The following C4orf51 variants were observed in gnomAD, a reference collection of about 807,000 sequenced individuals.
C4orf51 encodes the protein chromosome 4 open reading frame 51.
Under a neutral mutation model 25.2 loss-of-function variants are expected in C4orf51, and 25 were observed. The observed-to-expected ratio is 0.99, with a 90% CI of 0.72 to 1.39. The LOEUF (loss-of-function observed/expected upper bound fraction) is 1.39. Among genes scored for constraint, C4orf51 ranks in the 40% most tolerant of loss-of-function variants. The pLI, the probability that C4orf51 is intolerant of heterozygous loss-of-function variation, is 0.00. For synonymous variants in C4orf51, 100 were observed against 84.5 expected (o/e 1.18, Z -1.01); for missense variants, 252 against 239.6 (o/e 1.05, Z -0.34).
the C4orf51 span, among the ~76,000 whole-genome samples, chr4:145,791,742 C>T: frequency 2.0e-5 from 3 of 152,254 alleles, no homozygotes; most frequent in Admixed American, 6.5e-5. Flanking sequence ...CTCTGGGCAC[C>T]GTGCTAAGGC....
chr4:145,765,001 T>C lies in C4orf51; in HGVS notation n.167-5987T>C, dbSNP rs778672421. On this transcript the variant is annotated intron_variant and non_coding_transcript_variant, in intron 1 of 1. Transcript: ENST00000510096. The surrounding 1 kb of genome is among the most constrained non-coding windows in gnomAD (Gnocchi z 4.7). ...TGCTTTCCTTACTTGAGCCCACCGG[T>C]GGGGACAGTGTGGCATTTCTTATGC... 3 of 1,613,466 alleles carry C rather than the reference T, an allele frequency of 1.9e-6. No individual in the cohort carries two copies. The highest frequency in any genetic ancestry group is 8.5e-7 in the Non-Finnish European group (1 of 1,179,688).
At chr4:145,784,101 A>T in the C4orf51 span, among the ~76,000 whole-genome samples, 1 of 152,128 alleles carries the variant, frequency 6.6e-6, no homozygotes, top group Non-Finnish European at 1.5e-5. Context: ...ACTATGATGG[A>T]AAGTTTCCTG....
At chr4:145,755,100 A>G, downstream of C4orf51, among the ~76,000 whole-genome samples, 1 of 152,332 alleles carries the variant, frequency 6.6e-6, no homozygotes, top group East Asian at 1.9e-4. Flanking sequence ...CCTTGCAACC[A>G]TCTCTTTCAA....
chr4:145,724,431 A>T (rs1296797341), intron 2 of C4orf51, among the ~76,000 whole-genome samples: 2 of 152,216 alleles, frequency 1.3e-5, no homozygotes, highest in African/African-American at 2.4e-5. Context: ...AGCATAAAAT[A>T]GCACACAAAG....
chr4:145,689,931 G>A (rs979073821), intron 1 of C4orf51, among the ~76,000 whole-genome samples: 13 of 152,162 alleles, frequency 8.5e-5, no homozygotes, highest in Non-Finnish European at 1.5e-4. Flanking sequence ...GAGGCTGGGC[G>A]CGGTGGCTCA....
chr4:145,732,522 G>C lies in C4orf51; in HGVS notation c.571G>C (p.Asp191His). The change falls in exon 6 of 6, where the codon GAT (aspartate) becomes CAT (histidine). Residue 191 changes from aspartate to histidine, a missense_variant. Physicochemically the swap from Asp to His is moderately conservative, Grantham distance 81 (BLOSUM62 -1). Coordinates refer to ENST00000438731, the MANE Select transcript of C4orf51 (RefSeq NM_001080531.3). ...SEDSEADRYS[D>H]YGWGGPSSPF... ...GGATTCAGAAGCTGATCGATACTCC[G>C]ATTATGGCTGGGGAGGACCCTCATC... 1 of 1,611,032 alleles carries C rather than the reference G, an allele frequency of 6.2e-7. No homozygotes were observed. The highest frequency in any genetic ancestry group is 8.5e-7 in the Non-Finnish European group (1 of 1,178,916).
chr4:145,723,958 TGA>T (rs1731897934), intron 2 of C4orf51, among the ~76,000 whole-genome samples: 1 of 152,144 alleles, frequency 6.6e-6, no homozygotes, highest in Non-Finnish European at 1.5e-5. Flanking sequence ...CTAAAGAAAA[TGA>T]GAGACATTTC....
At chr4:145,773,345 C>T (rs940951707), downstream of C4orf51, among the ~76,000 whole-genome samples, 1 of 152,150 alleles carries the variant, frequency 6.6e-6, no homozygotes, top group South Asian at 2.1e-4. Flanking sequence ...AATTTACTGA[C>T]AAAAACAAGC....
chr4:145,718,322 T>C (rs1213502063), intron 2 of C4orf51, among the ~76,000 whole-genome samples: 2 of 152,244 alleles, frequency 1.3e-5, no homozygotes, highest in Admixed American at 6.5e-5. Flanking sequence ...ATCAGCTACC[T>C]GGAAATGCTT....
chr4:145,765,301 C>A lies in C4orf51; in HGVS notation n.167-5687C>A, dbSNP rs1422744984. The A allele has an allele frequency of 1.7e-5, 18 of 1,060,154 alleles. No individual in the cohort carries two copies. The highest frequency in any genetic ancestry group is 2.3e-5 in the Non-Finnish European group (17 of 754,030). The allele number at this position is 1,060,154 out of a possible 1,614,324, so 65.7% of individuals were successfully genotyped here. ...CTATACCCTTCCAGGCACTGTTCCC[C>A]ATATCTCTGTGCTAAAAGGAGTTAA... On this transcript the variant is annotated intron_variant and non_coding_transcript_variant, in intron 1 of 1. Coordinates refer to the C4orf51 transcript ENST00000510096. The surrounding 1 kb of genome is among the most constrained non-coding windows in gnomAD (Gnocchi z 4.7).
rs189862393 is a variant in C4orf51, at chr4:145,699,759, C to T, written c.307+3127C>T. ...CGCTTTTCTGGGGAAGGGGCAAGTA[C>T]GCCAACACCTTCTCTCCTTGTCTCT... is the stretch of plus-strand genomic sequence containing the variant. On this transcript the variant is annotated intron_variant, in intron 2 of 5. Transcript: ENST00000438731. Among the ~76,000 whole-genome samples the T allele has an allele frequency of 3.5e-3, 534 of 152,246 alleles. 3 individuals carry two copies. Among genetic ancestry groups the T allele is most frequent in the Non-Finnish European group, 6.1e-3 (417 of 68,024 alleles).
intron 1 of C4orf51, among the ~76,000 whole-genome samples, chr4:145,741,383 C>G (rs185231174): frequency 2.6e-5 from 4 of 151,986 alleles, no homozygotes; most frequent in African/African-American, 7.2e-5. Context: ...ATTTAGGAGA[C>G]GAGGTACTAA....
At chr4:145,774,052 C>A (rs1382451918), downstream of C4orf51, among the ~76,000 whole-genome samples, 1 of 152,144 alleles carries the variant, frequency 6.6e-6, no homozygotes, top group African/African-American at 2.4e-5. Context: ...ACCACAGCAA[C>A]CCCTAGTTGC....
chr4:145,692,102 G>C (rs1729613897), intron 1 of C4orf51, among the ~76,000 whole-genome samples: 1 of 152,140 alleles, frequency 6.6e-6, no homozygotes, highest in African/African-American at 2.4e-5. Flanking sequence ...CATGTACGTG[G>C]AGAGACACGT....
chr4:145,706,773 T>C (rs935590824), intron 2 of C4orf51, among the ~76,000 whole-genome samples: 11 of 151,344 alleles, frequency 7.3e-5, no homozygotes, highest in African/African-American at 1.2e-4. Context: ...CCCCAGTAGC[T>C]GGGACTACAA....
intron 2 of C4orf51, among the ~76,000 whole-genome samples, chr4:145,702,671 CT>C (rs1474682311): frequency 6.6e-6 from 1 of 152,172 alleles, no homozygotes; most frequent in East Asian, 1.9e-4. Flanking sequence ...ATAATCTTTG[CT>C]GGCAGAACTA....
At chr4:145,777,118 T>C in the C4orf51 span, among the ~76,000 whole-genome samples, 9 of 152,234 alleles carry the variant, frequency 5.9e-5, no homozygotes, top group Non-Finnish European at 7.3e-5. Context: ...AGTTCTTCTC[T>C]ACAAAATATG....
At chr4:145,698,167 G>GTT (rs149064392) in intron 2 of C4orf51, among the ~76,000 whole-genome samples, 2 of 151,888 alleles carry the variant, frequency 1.3e-5, no homozygotes, top group African/African-American at 4.8e-5. Context: ...TTTTAAATCA[G>GTT]TTTTTTTTCT....
intron 1 of C4orf51, among the ~76,000 whole-genome samples, chr4:145,695,357 A>G (rs6835549): frequency 0.58 from 87,341 of 151,494 alleles, 25,494 homozygotes; most frequent in African/African-American, 0.66. Context: ...GCTTTTTTTG[A>G]TATGCTTTTT....
Sources: gnomAD v4.1 joint callset for allele counts (sites outside exome capture counted in the v4.1 genomes callset) on GRCh38, gnomAD v4.1.1 for gene constraint, Gnocchi (gnomAD v3.1) non-coding constraint, MANE v1.5 for transcripts, NCBI Gene and HGNC (gene_info 2026-07-23, HGNC 2026-07-21) for gene names.